OTOF: variants seen among roughly 807,000 people sequenced by gnomAD.
OTOF encodes the protein otoferlin.
A neutral mutation model predicts 236.8 loss-of-function variants in OTOF; 218 were observed. The ratio of observed to expected loss-of-function variants is 0.92; its 90% CI spans 0.82 to 1.03. The LOEUF is 1.03. OTOF is among the 50% of genes least tolerant of loss of function. The pLI, the probability that OTOF is intolerant of heterozygous loss-of-function variation, is 0.00. For missense variants in OTOF, 2,590 were observed against 2,694.4 expected (o/e 0.96, Z 0.86); for synonymous variants, 1,041 against 1,072.5 (o/e 0.97, Z 0.57).
intron 11 of OTOF, among the ~76,000 whole-genome samples, chr2:26,486,957 C>G (rs570900908): frequency 1.3e-5 from 2 of 152,210 alleles, no homozygotes; most frequent in African/African-American, 4.8e-5. Context: ...GCATCCCAGA[C>G]CTCCTTTATG....
chr2:26,494,865 C>T, intron 9 of OTOF, 77 bp downstream of exon 9: 1 of 1,565,188 alleles, frequency 6.4e-7, no homozygotes, highest in South Asian at 1.1e-5. Flanking sequence ...TCCAGCCACT[C>T]CTATTTCTCC....
In OTOF at chr2:26,482,479, C is replaced by G; in HGVS notation, c.1506G>C (p.Ser502=). Residue 502 remains serine (S), a synonymous_variant, in exon 14 of 47, where the codon TCG becomes TCC. Coordinates refer to ENST00000272371, the MANE Select transcript of OTOF (RefSeq NM_194248.3). ...CKRMKVQIRD[S]DKVNDVAIGT... ...CGATGGCCACGTCGTTGACCTTGTC[C>G]GAGTCTCGGATCTGCACCTTCATGC... is the stretch of plus-strand genomic sequence containing the variant. 6.2e-7 allele frequency: 1 copy of G among 1,613,356 alleles called. No homozygotes were observed. Among genetic ancestry groups the G allele is most frequent in the Non-Finnish European group, 8.5e-7 (1 of 1,180,004 alleles).
chr2:26,513,543 G>T (rs1043288578), intron 5 of OTOF, among the ~76,000 whole-genome samples: 2 of 152,188 alleles, frequency 1.3e-5, no homozygotes, highest in African/African-American at 4.8e-5. Context: ...CATCAGCCAG[G>T]GAGCGGCTGA....
intron 5 of OTOF, among the ~76,000 whole-genome samples, chr2:26,513,465 G>T (rs1666440667): frequency 6.6e-6 from 1 of 152,142 alleles, no homozygotes; most frequent in South Asian, 2.1e-4. Flanking sequence ...GGGCCTGTCT[G>T]GGCTGAGGCT....
At chr2:26,509,274 A>C (rs908558567) in intron 5 of OTOF, among the ~76,000 whole-genome samples, 24 of 151,858 alleles carry the variant, frequency 1.6e-4, no homozygotes, top group African/African-American at 5.8e-4. Context: ...CCCTAAGAGG[A>C]CTCCCCAGCT....
At chr2:26,490,933 A>T (rs1217694154) in intron 9 of OTOF, among the ~76,000 whole-genome samples, 1 of 152,198 alleles carries the variant, frequency 6.6e-6, no homozygotes, top group East Asian at 1.9e-4. Context: ...TGTGCTGGCC[A>T]GAGTTCTGAA....
Position 26,474,014 on chromosome 2 carries a change from C to G in OTOF, c.3385G>C (p.Val1129Leu). Residue 1129 changes from valine to leucine, a missense_variant, in exon 27 of 47, where the codon GTG becomes CTG. Around this residue, in one of 2 missense-constraint regions of OTOF, gnomAD observed 1,211 missense variants for 1,352.8 expected, o/e 0.90. Transcript: ENST00000272371. ...IMPVPMGIRP[V>L]LSKYRVEVLF... ...ACCTCCACTCGGTACTTGCTGAGCA[C>G]GGGCCGGATGCCCATGGGCACGGGC... 1 of 1,612,998 alleles carries G rather than the reference C, an allele frequency of 6.2e-7. No homozygotes were observed. The highest frequency in any genetic ancestry group is 1.1e-5 in the South Asian group (1 of 91,086).
At position 26,461,874 on chromosome 2, in the gene OTOF, G is replaced by A. The variant is rs145914599; in HGVS notation, c.5355C>T (p.Gly1785=). The A allele has an allele frequency of 2.9e-5, 46 of 1,613,916 alleles. No homozygotes were observed. The highest frequency in any genetic ancestry group is 3.6e-5 in the Non-Finnish European group (43 of 1,179,934). ...GGTAGCGCCAGTTGAAGTTGCCCTC[G>A]CCAGTGAGGGAGTGGTAGTGGACGT... The part of the protein sequence containing the change: ...DTDVHYHSLT[G]EGNFNWRYLF... Residue 1785 remains glycine (G), a synonymous_variant, in exon 43 of 47, where the codon GGC becomes GGT. Transcript: ENST00000272371. This position sits in a 1 kb window ranked among gnomAD's most constrained non-coding sequence, Gnocchi z 6.2.
chr2:26,466,185 G>T, intron 36 of OTOF, 109 bp from the exon 37 acceptor site: 1 of 1,376,750 alleles, frequency 7.3e-7, no homozygotes, highest in Non-Finnish European at 1.0e-6. Flanking sequence ...AGGGGCAGGA[G>T]CACTGGACCC....
intron 2 of OTOF, among the ~76,000 whole-genome samples, chr2:26,528,423 G>T (rs901178595): frequency 1.3e-5 from 2 of 152,224 alleles, no homozygotes; most frequent in African/African-American, 4.8e-5. Context: ...CCAGACTCCT[G>T]TGTTGAGTTC....
intron 22 of OTOF, 56 bp downstream of exon 22, chr2:26,476,835 G>T (rs990330096): frequency 7.8e-6 from 12 of 1,540,060 alleles, no homozygotes; most frequent in Middle Eastern, 1.9e-4. Flanking sequence ...CCCAGGTGGG[G>T]GCTGCTGCTC....
intron 1 of OTOF, among the ~76,000 whole-genome samples, chr2:26,542,038 T>A (rs1667222768): frequency 6.6e-6 from 1 of 152,214 alleles, no homozygotes; most frequent in South Asian, 2.1e-4. Context: ...GATATACCCA[T>A]TTCTCCTTTC....
chr2:26,537,837 G>T, intron 1 of OTOF, 63 bp from the exon 2 acceptor site: 1 of 1,207,164 alleles, frequency 8.3e-7, no homozygotes, highest in Non-Finnish European at 1.2e-6. Context: ...CATGGGGTCA[G>T]ACCTCCTCAT....
intron 1 of OTOF, among the ~76,000 whole-genome samples, chr2:26,538,332 A>G (rs927265291): frequency 6.6e-6 from 1 of 152,152 alleles, no homozygotes; most frequent in African/African-American, 2.4e-5. Flanking sequence ...TTCCCCTTCC[A>G]CCACTGTCAT....
intron 32 of OTOF, among the ~76,000 whole-genome samples, chr2:26,469,572 C>T (rs1441730667): frequency 6.6e-6 from 1 of 152,164 alleles, no homozygotes; most frequent in Non-Finnish European, 1.5e-5. Flanking sequence ...AAAGCATATG[C>T]CTCATCTCCT....
intron 18 of OTOF, chr2:26,478,047 G>A (rs992625070): frequency 2.0e-5 from 29 of 1,433,064 alleles, no homozygotes; most frequent in East Asian, 1.0e-4. Flanking sequence ...TCACGGCTAC[G>A]GGGCTCAGGG....
At chr2:26,524,941 C>T (rs377082202) in intron 3 of OTOF, among the ~76,000 whole-genome samples, 1 of 152,198 alleles carries the variant, frequency 6.6e-6, no homozygotes, top group Non-Finnish European at 1.5e-5. Flanking sequence ...CTCTCAGGTG[C>T]CCTCCCTGGT....
At chr2:26,550,707 C>T (rs1428753843) in intron 1 of OTOF, among the ~76,000 whole-genome samples, 1 of 152,172 alleles carries the variant, frequency 6.6e-6, no homozygotes, top group Admixed American at 6.5e-5. Context: ...CAGCGCCGCT[C>T]CTTCCTCTCT....
In OTOF at chr2:26,477,240, G is replaced by A; in HGVS notation, c.2455C>T (p.His819Tyr). 6.2e-7 allele frequency: 1 copy of A among 1,609,656 alleles called. No individual in the cohort carries two copies. Among genetic ancestry groups the A allele is most frequent in the Non-Finnish European group, 8.5e-7 (1 of 1,179,178 alleles). Residue 819 changes from histidine to tyrosine, a missense_variant, in exon 21 of 47, where the codon CAC becomes TAC. By Grantham distance (83) the His-to-Tyr change is moderately conservative (BLOSUM62 2). This residue lies in a region of OTOF where 1,379 missense variants were observed against 1,341.6 expected (regional missense o/e 1.03). Transcript: ENST00000272371. This position sits in a 1 kb window ranked among gnomAD's most constrained non-coding sequence, Gnocchi z 4.7. ...ARMLRAQVKR[H>Y]TVRDKLRLCQ... ...AGCCTCAGCTTGTCCCGCACCGTGT[G>A]CCGCTTCACCTGGGCCCGCAGCATC...
Sources: gnomAD v4.1 joint callset for allele counts (sites outside exome capture counted in the v4.1 genomes callset) on GRCh38, gnomAD v4.1.1 for gene constraint, gnomAD v4.1.1 regional missense constraint, Gnocchi (gnomAD v3.1) non-coding constraint, MANE v1.5 for transcripts, NCBI Gene and HGNC (gene_info 2026-07-23, HGNC 2026-07-21) for gene names.